ANXA8: variants seen among roughly 807,000 people sequenced by gnomAD.
ANXA8 encodes the protein VAC-beta.
In ANXA8, 9 loss-of-function variants were observed where a neutral mutation model predicts 26.8. The observed-to-expected ratio is 0.34, with a 90% confidence interval of 0.20 to 0.59. The LOEUF (loss-of-function observed/expected upper bound fraction) is 0.59. Ranked by LOEUF, ANXA8 falls within the 20% of genes least tolerant of loss-of-function variation. The probability of loss-of-function intolerance (pLI) is 0.84; values close to 1 mark genes in which losing one functional copy is unlikely to be tolerated. For missense variants in ANXA8, 83 were observed against 238.5 expected (o/e 0.35, Z 4.29); for synonymous variants, 39 against 94.8 (o/e 0.41, Z 3.42).
chr10:47,742,821 G>A, the ANXA8 span, among the ~76,000 whole-genome samples: 123 of 133,998 alleles, frequency 9.2e-4, no homozygotes, highest in Non-Finnish European at 1.4e-3. Flanking sequence ...AGATGACCCA[G>A]TATTTTAAAG....
chr10:47,588,645 A>G, the ANXA8 span: 1 of 146,710 alleles, frequency 6.8e-6, no homozygotes, highest in Non-Finnish European at 1.5e-5. Context: ...CTTGCCTCAT[A>G]GGATTGTTGT....
At chr10:47,656,163 G>A in the ANXA8 span, among the ~76,000 whole-genome samples, 8 of 151,838 alleles carry the variant, frequency 5.3e-5, no homozygotes, top group Admixed American at 2.0e-4. Flanking sequence ...TTGGGAGGCC[G>A]AGGTGGGCAG....
the ANXA8 span, among the ~76,000 whole-genome samples, chr10:47,578,108 G>A: frequency 1.6e-5 from 1 of 62,960 alleles, no homozygotes; most frequent in East Asian, 2.5e-4. Flanking sequence ...CTGAGGTCAG[G>A]AGTTCGAGAC....
chr10:47,504,827 C>CTAAGAGGTCATAACTGT, the ANXA8 span, among the ~76,000 whole-genome samples: 1 of 138,148 alleles, frequency 7.2e-6, no homozygotes, highest in Non-Finnish European at 1.6e-5. Context: ...TCCAGAAGGC[C>CTAAGAGGTCATAACTGT]TAAGAGGTCA....
chr10:47,736,800 G>A, the ANXA8 span, among the ~76,000 whole-genome samples: 6 of 140,058 alleles, frequency 4.3e-5, no homozygotes, highest in Non-Finnish European at 7.7e-5. Flanking sequence ...GATTACAGGT[G>A]TGCACCACCA....
At chr10:47,733,924 C>T in the ANXA8 span, among the ~76,000 whole-genome samples, 3 of 152,308 alleles carry the variant, frequency 2.0e-5, no homozygotes, top group Admixed American at 2.0e-4. Context: ...TCAAAACCAT[C>T]ATCAGCTTTA....
chr10:47,975,299 T>C, the ANXA8 span, among the ~76,000 whole-genome samples: 1 of 149,576 alleles, frequency 6.7e-6, no homozygotes, highest in African/African-American at 2.4e-5. Flanking sequence ...AGAAGAAAGT[T>C]ATCAATGGCT....
At chr10:47,580,531 T>G in the ANXA8 span, among the ~76,000 whole-genome samples, 1 of 150,198 alleles carries the variant, frequency 6.7e-6, no homozygotes, top group South Asian at 2.1e-4. Flanking sequence ...ACCCCAGAAG[T>G]TCAAGACCAG....
At chr10:47,589,979 G>A in the ANXA8 span, among the ~76,000 whole-genome samples, 1 of 145,326 alleles carries the variant, frequency 6.9e-6, no homozygotes, top group Admixed American at 6.7e-5. Flanking sequence ...CATCTGCTTG[G>A]TGAAGAGGCT....
the ANXA8 span, among the ~76,000 whole-genome samples, chr10:47,946,850 G>A: frequency 6.6e-6 from 1 of 150,738 alleles, no homozygotes; most frequent in Non-Finnish European, 1.5e-5. Flanking sequence ...GTGCCACCAA[G>A]CCCAGCTAAT....
the ANXA8 span, chr10:47,543,746 C>T: frequency 3.2e-6 from 1 of 309,742 alleles, no homozygotes; most frequent in Non-Finnish European, 6.0e-6. Context: ...ACTCATCACA[C>T]TCTTGTCCAC....
chr10:47,540,686 G>A, the ANXA8 span, among the ~76,000 whole-genome samples: 62 of 123,304 alleles, frequency 5.0e-4, no homozygotes, highest in South Asian at 2.2e-3. Flanking sequence ...TCCCGCAGCC[G>A]AATCTGGGAC....
At chr10:47,655,935 G>A in the ANXA8 span, among the ~76,000 whole-genome samples, 1 of 152,090 alleles carries the variant, frequency 6.6e-6, no homozygotes, top group Non-Finnish European at 1.5e-5. Context: ...CAGGAGAATC[G>A]CTTGAACCTG....
chr10:47,777,254 T>G, the ANXA8 span, among the ~76,000 whole-genome samples: 4 of 151,606 alleles, frequency 2.6e-5, no homozygotes, highest in South Asian at 8.4e-4. Flanking sequence ...CCAGTGCCTA[T>G]GTCCAGCTCC....
At chr10:47,527,642 G>GCTA in the ANXA8 span, among the ~76,000 whole-genome samples, 1 of 142,068 alleles carries the variant, frequency 7.0e-6, no homozygotes, top group Middle Eastern at 3.6e-3. Flanking sequence ...TGGCAACTTA[G>GCTA]TGATTGGGCT....
the ANXA8 span, among the ~76,000 whole-genome samples, chr10:47,660,258 T>C: frequency 6.8e-6 from 1 of 147,958 alleles, no homozygotes; most frequent in Non-Finnish European, 1.5e-5. Flanking sequence ...TCATGGCTTT[T>C]GAGAGCCTGC....
At chr10:47,489,965 C>T in the ANXA8 span, among the ~76,000 whole-genome samples, 1 of 150,644 alleles carries the variant, frequency 6.6e-6, no homozygotes, top group Non-Finnish European at 1.5e-5. Context: ...GAGACGAGCT[C>T]AATGAGCCCC....
At chr10:47,658,224 T>C in the ANXA8 span, among the ~76,000 whole-genome samples, 2 of 151,628 alleles carry the variant, frequency 1.3e-5, no homozygotes, top group Non-Finnish European at 2.9e-5. Context: ...AAAAATCAGC[T>C]AGCCATGGTG....
chr10:47,615,195 T>A, the ANXA8 span, among the ~76,000 whole-genome samples: 1 of 73,574 alleles, frequency 1.4e-5, no homozygotes, highest in Admixed American at 1.4e-4. Context: ...TTCAAATATT[T>A]CAGCATAAAT....
Sources: allele counts gnomAD v4.1 joint callset (sites outside exome capture counted in the v4.1 genomes callset), GRCh38; gene constraint gnomAD v4.1.1; transcripts MANE v1.5; gene names NCBI Gene and HGNC (gene_info 2026-07-23, HGNC 2026-07-21).